EIF4A2: variants seen among roughly 807,000 people sequenced by gnomAD.
EIF4A2 encodes eukaryotic initiation factor 4A-II.
A neutral mutation model predicts 50.6 loss-of-function variants in EIF4A2; 9 were observed. The observed-to-expected ratio is 0.18, with a 90% CI of 0.11 to 0.31. The LOEUF is 0.31. EIF4A2 is among the 10% of genes least tolerant of loss of function. EIF4A2 has a pLI of 1.00. For missense variants in EIF4A2, 182 were observed against 501.8 expected, an observed-to-expected ratio of 0.36 and a Z score of 6.09; for synonymous variants, 215 against 164.4, an observed-to-expected ratio of 1.31 and a Z score of -2.35.
Position 186,789,835 on chromosome 3 carries a change from TTGCCATATTGCACATGTCTTAATGAA to T in EIF4A2, c.*567_*592del, listed in dbSNP as rs1579172182. ...AGGTAGGGTTTAATCCCCAGTAAAA[TTGCCATATTGCACATGTCTTAATGAA>T]GTTTGAATGTTAAATAAATTGTATA... On this transcript the variant is annotated 3_prime_UTR_variant, in exon 11 of 11. Coordinates refer to ENST00000323963, the MANE Select transcript of EIF4A2 (RefSeq NM_001967.4). The T allele has an allele frequency of 4.6e-6, 3 of 658,640 alleles. No homozygotes were observed. The East Asian group carries it at 8.2e-5, about 18-fold the overall frequency. 40.8% of individuals were successfully genotyped at this position (658,640 alleles called of 1,614,324 possible). A position where few individuals can be genotyped will look rare whatever the true frequency, so the allele number is the denominator to read the frequency against.
intron 10 of EIF4A2, 100 bp downstream of exon 10, chr3:186,787,982 A>G: frequency 8.0e-7 from 1 of 1,254,784 alleles, no homozygotes; most frequent in Non-Finnish European, 1.1e-6. Flanking sequence ...AGATTCAGTA[A>G]AGTCAGTAGT....
chr3:186,787,408 C>T (rs748059033), intron 8 of EIF4A2, 87 bp from the exon 9 acceptor site: 8 of 1,601,152 alleles, frequency 5.0e-6, no homozygotes, highest in Non-Finnish European at 6.8e-6. Flanking sequence ...CCTGTAGCAG[C>T]CAGGGACGCT....
chr3:186,785,581 G>A (rs1472262986), intron 4 of EIF4A2: 2 of 352,528 alleles, frequency 5.7e-6, no homozygotes, highest in East Asian at 9.2e-5. Context: ...TGTAATTACA[G>A]AACATAAATT....
chr3:186,783,907 C>G (rs997133130), intron 1 of EIF4A2: 1 of 535,362 alleles, frequency 1.9e-6, no homozygotes. Context: ...GTGTAGAGCA[C>G]GGGAAACATG....
Position 186,785,053 on chromosome 3 carries a change from G to A in EIF4A2, c.300G>A (p.Lys100=), listed in dbSNP as rs767943275. ...TGCAACAGTTGGAGATTGAGTTCAA[G>A]GAGACCCAAGCACTAGTATTGGCCC... The part of the protein sequence containing the change: ...SILQQLEIEF[K]ETQALVLAPT... Residue 100 remains lysine, a synonymous_variant, in exon 4 of 11, where the codon AAG becomes AAA. Coordinates refer to ENST00000323963, the MANE Select transcript of EIF4A2 (RefSeq NM_001967.4). 10 of 1,614,064 alleles carry A rather than the reference G, an allele frequency of 6.2e-6. No homozygotes were observed. The highest frequency in any genetic ancestry group is 8.5e-6 in the Non-Finnish European group (10 of 1,180,036).
intron 1 of EIF4A2, chr3:186,784,004 G>C (rs1436070065): frequency 4.8e-6 from 2 of 418,578 alleles, no homozygotes; most frequent in East Asian, 4.4e-5. Flanking sequence ...CGAGTTGGGG[G>C]AGGGTCCTAG....
rs1267924756 is a variant in EIF4A2 at position 186,789,230 on chromosome 3, A to G, written c.1185A>G (p.Thr395=). Residue 395 remains threonine, a synonymous_variant, in exon 11 of 11, where the codon ACA becomes ACG. Transcript: ENST00000323963. ...ACATTGAGACTTTCTACAATACTAC[A>G]GTGGAGGAGATGCCCATGAATGTGG... ...LRDIETFYNT[T]VEEMPMNVAD... is the part of the protein sequence containing the mutation. The G allele has an allele frequency of 1.4e-5, 22 of 1,611,976 alleles. No homozygotes were observed. The highest frequency in any genetic ancestry group is 8.9e-5 in the East Asian group (4 of 44,798).
intron 10 of EIF4A2, chr3:186,788,715 TGTTTACA>T (rs752183018): frequency 8.2e-5 from 19 of 232,670 alleles, no homozygotes; most frequent in Admixed American, 2.6e-4. Flanking sequence ...TTGCAGCATT[TGTTTACA>T]GTTTACAGTT....
intron 1 of EIF4A2, 51 bp downstream of exon 1, chr3:186,783,690 A>G: frequency 1.2e-6 from 2 of 1,613,834 alleles, no homozygotes; most frequent in Non-Finnish European, 1.7e-6. Flanking sequence ...ATAGGGCGCC[A>G]GGGGAGATGA....
intron 3 of EIF4A2, 38 bp downstream of exon 3, chr3:186,784,734 T>G (rs1372154507): frequency 6.2e-7 from 1 of 1,611,740 alleles, no homozygotes; most frequent in Admixed American, 1.7e-5. Flanking sequence ...TTGTTCTACA[T>G]AGACATGAAC....
intron 4 of EIF4A2, chr3:186,785,662 C>A (rs180726206): frequency 1.2e-5 from 6 of 507,828 alleles, no homozygotes; most frequent in African/African-American, 3.8e-5. Flanking sequence ...CTAGCTGATG[C>A]GTGGAGCAGC....
intron 9 of EIF4A2, 21 bp downstream of exon 9, chr3:186,787,605 T>A (rs760478799): frequency 6.2e-7 from 1 of 1,613,830 alleles, no homozygotes; most frequent in Non-Finnish European, 8.5e-7. Context: ...TAATGCTTTT[T>A]AAAAATCTAC....
intron 1 of EIF4A2, 24 bp downstream of exon 1, chr3:186,783,663 G>T: frequency 2.5e-6 from 4 of 1,614,092 alleles, no homozygotes; most frequent in Non-Finnish European, 3.4e-6. Context: ...TGGCGGTCGC[G>T]GTCTGTAGTG....
At chr3:186,783,685 G>C (rs200462080) in intron 1 of EIF4A2, 46 bp downstream of exon 1, 1 of 1,614,002 alleles carries the variant, frequency 6.2e-7, no homozygotes, top group East Asian at 2.2e-5. Flanking sequence ...AGGTCATAGG[G>C]CGCCAGGGGA....
chr3:186,789,774 ACTGGACCCTGTTGCTAAGC>A lies in EIF4A2; in HGVS notation c.*507_*525del. ...AGTATTTAATTAGTGCTAAGTGTGA[ACTGGACCCTGTTGCTAAGC>A]CCCAGCAAGCAATCCTAGGTAGGGT... On this transcript the variant is annotated 3_prime_UTR_variant, in exon 11 of 11. Transcript: ENST00000323963. 1.8e-6 allele frequency: 1 copy of A among 562,682 alleles called. No homozygotes were observed. Among genetic ancestry groups the A allele is most frequent in the African/African-American group, 1.9e-5 (1 of 53,136 alleles). The allele number at this position is 562,682 out of a possible 1,614,324, so 34.9% of individuals were successfully genotyped here.
In EIF4A2 at chr3:186,786,152, T is replaced by C. The variant is rs964863396; in HGVS notation, c.518-12T>C. On this transcript the variant is annotated splice_polypyrimidine_tract_variant and intron_variant, in intron 5 of 10. Coordinates refer to ENST00000323963, the MANE Select transcript of EIF4A2 (RefSeq NM_001967.4). ...AGATCTAGAAATGACAGTATGACTT[T>C]GTTTCTAACAGCTCCAAAATGGATC... is the stretch of plus-strand genomic sequence containing the variant. 3.1e-6 allele frequency: 5 copies of C among 1,611,844 alleles called. No individual in the cohort carries two copies. Among genetic ancestry groups the C allele is most frequent in the Non-Finnish European group, 4.2e-6 (5 of 1,178,408 alleles).
chr3:186,787,691 A>G (rs1444891034), intron 9 of EIF4A2, 107 bp downstream of exon 9: 2 of 1,582,772 alleles, frequency 1.3e-6, no homozygotes, highest in Admixed American at 1.7e-5. Flanking sequence ...GTAAAAGACC[A>G]CACTCCACAG....
intron 1 of EIF4A2, chr3:186,784,092 G>A (rs969409116): frequency 1.1e-5 from 5 of 471,810 alleles, no homozygotes; most frequent in Middle Eastern, 5.9e-4. Context: ...GACCGGTGCC[G>A]GTGAACCGTT....
At chr3:186,784,154 A>G (rs1721547180) in intron 1 of EIF4A2, 2 of 535,258 alleles carry the variant, frequency 3.7e-6, no homozygotes, top group East Asian at 3.2e-5. Context: ...CGGCTTGCGC[A>G]TTGTTGGGGG....
Sources: allele counts gnomAD v4.1 joint callset, GRCh38; gene constraint gnomAD v4.1.1; transcripts MANE v1.5; gene names NCBI Gene and HGNC (gene_info 2026-07-23, HGNC 2026-07-21).